PBX3: variants seen among roughly 807,000 people sequenced by gnomAD.
The protein encoded by PBX3 is pre-B-cell leukemia transcription factor 3.
A neutral mutation model predicts 48.5 loss-of-function variants in PBX3; 14 were observed. The observed-to-expected ratio is 0.29, with a 90% CI of 0.19 to 0.45. PBX3 has a LOEUF of 0.45. PBX3 is among the 20% of genes least tolerant of loss of function. PBX3 has a pLI of 1.00. For missense variants in PBX3, 386 were observed against 546.7 expected (o/e 0.71, Z 2.93); for synonymous variants, 210 against 200.3 (o/e 1.05, Z -0.41).
intron 2 of PBX3, among the ~76,000 whole-genome samples, chr9:125,847,497 A>G (rs1839457044): frequency 6.6e-6 from 1 of 152,002 alleles, no homozygotes; most frequent in East Asian, 1.9e-4. Flanking sequence ...TAAATTTATA[A>G]AGCAGCAATA....
chr9:125,877,778 A>G (rs1840290449), intron 2 of PBX3, among the ~76,000 whole-genome samples: 1 of 152,196 alleles, frequency 6.6e-6, no homozygotes, highest in African/African-American at 2.4e-5. Flanking sequence ...TAATATCATC[A>G]TCAACAACAT....
chr9:125,929,650 TACAGG>T lies in PBX3; in HGVS notation c.517-4_517del. ...CAAAGGAGTGATTTTTTTTTCCCAT[TACAGG>T]CATGTAATGAATTTACTACACATGT... On this transcript the variant is annotated splice_acceptor_variant and splice_polypyrimidine_tract_variant and coding_sequence_variant and intron_variant, in exon 4 of 9. Coordinates refer to ENST00000373489, the MANE Select transcript of PBX3 (RefSeq NM_006195.6). LOFTEE classifies it high-confidence loss of function. The T allele has an allele frequency of 6.3e-7, 1 of 1,595,990 alleles. No individual in the cohort carries two copies. Among genetic ancestry groups the T allele is most frequent in the Admixed American group, 1.8e-5 (1 of 57,076 alleles).
At chr9:125,839,210 C>T (rs1315183364) in intron 2 of PBX3, among the ~76,000 whole-genome samples, 1 of 152,166 alleles carries the variant, frequency 6.6e-6, no homozygotes, top group Non-Finnish European at 1.5e-5. Context: ...TACATGAAAA[C>T]ATATAGTCAA....
chr9:125,858,608 A>T (rs12344218), intron 2 of PBX3, among the ~76,000 whole-genome samples: 74,775 of 148,686 alleles, frequency 0.5, 20,973 homozygotes, highest in South Asian at 0.63. Context: ...CCTACTTTTG[A>T]AAGACTTTGG....
chr9:125,944,042 G>A (rs73668734), intron 5 of PBX3, among the ~76,000 whole-genome samples: 3,484 of 152,328 alleles, frequency 0.023, 158 homozygotes, highest in African/African-American at 0.079. Context: ...CCCATGACAG[G>A]GTAGAGAGTG....
chr9:125,760,236 G>C (rs1480655043), intron 2 of PBX3, among the ~76,000 whole-genome samples: 1 of 152,084 alleles, frequency 6.6e-6, no homozygotes, highest in Non-Finnish European at 1.5e-5. Flanking sequence ...TCTTAAAATA[G>C]AAAAAAAGTC....
intron 2 of PBX3, among the ~76,000 whole-genome samples, chr9:125,865,673 G>A (rs1839961883): frequency 6.6e-6 from 1 of 152,074 alleles, no homozygotes; most frequent in Admixed American, 6.6e-5. Flanking sequence ...CTTTTCAAAA[G>A]ACCCCAAAGC....
intron 2 of PBX3, among the ~76,000 whole-genome samples, chr9:125,777,786 T>G (rs1837117062): frequency 6.6e-6 from 1 of 152,186 alleles, no homozygotes; most frequent in African/African-American, 2.4e-5. Context: ...GATTTCTGTT[T>G]CTTCTGGAAT....
At chr9:125,758,334 T>C (rs1341278655) in intron 2 of PBX3, among the ~76,000 whole-genome samples, 1 of 152,170 alleles carries the variant, frequency 6.6e-6, no homozygotes, top group Admixed American at 6.5e-5. Flanking sequence ...GGCTGCTTTT[T>C]AATTACTGTG....
At chr9:125,750,788 A>G (rs1009712364) in intron 2 of PBX3, among the ~76,000 whole-genome samples, 4 of 152,212 alleles carry the variant, frequency 2.6e-5, no homozygotes, top group African/African-American at 4.8e-5. Context: ...TCTTCCTGCT[A>G]GCCTCTCTAA....
At chr9:125,792,960 A>T (rs1339199998) in intron 2 of PBX3, among the ~76,000 whole-genome samples, 1 of 151,950 alleles carries the variant, frequency 6.6e-6, no homozygotes, top group Non-Finnish European at 1.5e-5. Context: ...GGCCTCCAAA[A>T]GTGCTGGGAT....
intron 2 of PBX3, among the ~76,000 whole-genome samples, chr9:125,814,513 T>C (rs2132137099): frequency 6.6e-6 from 1 of 152,322 alleles, no homozygotes; most frequent in Non-Finnish European, 1.5e-5. Context: ...TTCTAGAGGA[T>C]GTGAATAGTG....
At chr9:125,938,917 G>C (rs79984151) in intron 5 of PBX3, among the ~76,000 whole-genome samples, 1 of 151,850 alleles carries the variant, frequency 6.6e-6, no homozygotes, top group Non-Finnish European at 1.5e-5. Flanking sequence ...TAGGGGTAAA[G>C]GACCATGATG....
chr9:125,782,880 C>T (rs1354204915), intron 2 of PBX3, among the ~76,000 whole-genome samples: 6 of 152,074 alleles, frequency 3.9e-5, no homozygotes, highest in African/African-American at 1.4e-4. Context: ...TATGTTGTCC[C>T]ATTGCTTTTT....
intron 2 of PBX3, among the ~76,000 whole-genome samples, chr9:125,813,119 C>G (rs1588172685): frequency 6.6e-6 from 1 of 152,240 alleles, no homozygotes; most frequent in East Asian, 1.9e-4. Flanking sequence ...ACTATATAAA[C>G]TTTAATTTTT....
chr9:125,807,350 A>AAAG (rs150997347), intron 2 of PBX3, among the ~76,000 whole-genome samples: 8,935 of 152,102 alleles, frequency 0.059, 602 homozygotes, highest in East Asian at 0.17. Context: ...AAAAAAAAAG[A>AAAG]AAATATTAAC....
chr9:125,908,123 C>T (rs1413517542), intron 2 of PBX3, among the ~76,000 whole-genome samples: 1 of 152,090 alleles, frequency 6.6e-6, no homozygotes, highest in Non-Finnish European at 1.5e-5. Context: ...GTTAAAGCCA[C>T]CTATGTGAGA....
intron 2 of PBX3, among the ~76,000 whole-genome samples, chr9:125,869,723 A>G (rs757865343): frequency 2.0e-5 from 3 of 152,220 alleles, no homozygotes; most frequent in Non-Finnish European, 4.4e-5. Context: ...TTCACTACCA[A>G]TAGAATTCCA....
chr9:125,835,618 A>G (rs1355708732), intron 2 of PBX3, among the ~76,000 whole-genome samples: 1 of 152,260 alleles, frequency 6.6e-6, no homozygotes, highest in African/African-American at 2.4e-5. Flanking sequence ...GAAAATGCCC[A>G]GCATCACTAA....
Sources: allele counts gnomAD v4.1 joint callset (sites outside exome capture counted in the v4.1 genomes callset), GRCh38; gene constraint gnomAD v4.1.1; transcripts MANE v1.5; gene names NCBI Gene and HGNC (gene_info 2026-07-23, HGNC 2026-07-21).